The following UNC80 variants were observed in gnomAD, a reference collection of about 807,000 sequenced individuals.
UNC80 encodes the protein protein unc-80 homolog.
UNC80 carries 164 observed loss-of-function variants against 384.6 expected under a neutral mutation model. That is an observed-to-expected ratio of 0.43 (90% CI 0.38 to 0.49). UNC80 has a LOEUF of 0.49. Among genes scored for constraint, UNC80 ranks in the 20% least tolerant of loss-of-function variants. The pLI, the probability that UNC80 is intolerant of heterozygous loss-of-function variation, is 0.00. For synonymous variants in UNC80, 1,486 were observed against 1,527.8 expected (o/e 0.97, Z 0.64); for missense variants, 3,330 against 4,143.0 (o/e 0.80, Z 5.39).
intron 26 of UNC80, among the ~76,000 whole-genome samples, chr2:209,892,748 T>C (rs2086462823): frequency 6.6e-6 from 1 of 152,228 alleles, no homozygotes; most frequent in African/African-American, 2.4e-5. Flanking sequence ...TTATTTTCTG[T>C]TTCAAACATA....
chr2:209,921,798 T>C (rs2090058729), intron 34 of UNC80, 112 bp downstream of exon 34: 1 of 1,214,794 alleles, frequency 8.2e-7, no homozygotes, highest in Non-Finnish European at 1.1e-6. Context: ...CCCTTCCATC[T>C]CTCTCTCACT....
chr2:209,911,532 T>C (rs962010721), intron 29 of UNC80, among the ~76,000 whole-genome samples: 1 of 152,078 alleles, frequency 6.6e-6, no homozygotes, highest in African/African-American at 2.4e-5. Flanking sequence ...TTTGTCAGAG[T>C]TTTGAAAGAC....
chr2:209,925,436 A>G (rs961316735), intron 35 of UNC80, among the ~76,000 whole-genome samples: 1 of 152,184 alleles, frequency 6.6e-6, no homozygotes, highest in African/African-American at 2.4e-5. Context: ...CAGCAGCAAG[A>G]TTTATTGTGA....
chr2:209,972,795 G>A (rs1298955072), intron 55 of UNC80, among the ~76,000 whole-genome samples: 2 of 152,180 alleles, frequency 1.3e-5, no homozygotes, highest in Admixed American at 1.3e-4. Context: ...TGCATCATGA[G>A]TATTTGCAAA....
chr2:209,772,240 C>G, intron 1 of UNC80, 76 bp downstream of exon 1: 2 of 755,718 alleles, frequency 2.6e-6, no homozygotes, highest in Non-Finnish European at 3.5e-6. Flanking sequence ...TCGCCGCTGC[C>G]GCCGCCGCCG....
intron 7 of UNC80, among the ~76,000 whole-genome samples, chr2:209,811,326 G>A (rs1395514080): frequency 6.6e-6 from 1 of 152,102 alleles, no homozygotes; most frequent in African/African-American, 2.4e-5. Context: ...ATTCAGGCCT[G>A]GTTCACTACT....
At chr2:209,841,732 A>G (rs2153829377) in intron 20 of UNC80, among the ~76,000 whole-genome samples, 1 of 152,356 alleles carries the variant, frequency 6.6e-6, no homozygotes, top group African/African-American at 2.4e-5. Flanking sequence ...TAGCATATTT[A>G]GAAAATATAT....
intron 25 of UNC80, among the ~76,000 whole-genome samples, chr2:209,881,899 A>G (rs1041374991): frequency 6.6e-6 from 1 of 151,962 alleles, no homozygotes; most frequent in Non-Finnish European, 1.5e-5. Flanking sequence ...AGCAATCGTT[A>G]CATAAACAAT....
rs74444956 is a variant in UNC80 at position 209,924,660 on chromosome 2, G to A, written c.5663-2183G>A. The stretch of plus-strand genomic sequence containing the variant: ...CCAGGAATATGTCAGTGATTTGCAA[G>A]CCCCCTAGAAATCTCATTCTCCAGA... On this transcript the variant is annotated intron_variant, in intron 35 of 64. Transcript: ENST00000673920. 9.7e-4 allele frequency among the ~76,000 whole-genome samples: 148 copies of A among 152,042 alleles called. 1 individual carries two copies. The highest frequency in any genetic ancestry group is 3.5e-3 in the African/African-American group (145 of 41,494).
chr2:209,921,724 C>A, intron 34 of UNC80, 38 bp downstream of exon 34: 1 of 1,505,106 alleles, frequency 6.6e-7, no homozygotes, highest in Non-Finnish European at 8.9e-7. Context: ...GGGGCTGAGT[C>A]TCAGGGAAAT....
chr2:209,885,707 C>G (rs1246183058), intron 25 of UNC80, among the ~76,000 whole-genome samples: 1 of 150,000 alleles, frequency 6.7e-6, no homozygotes, highest in African/African-American at 2.5e-5. Context: ...AACTTCTGTT[C>G]TTAAGCCAAA....
At chr2:209,790,087 G>A (rs944853185) in intron 6 of UNC80, among the ~76,000 whole-genome samples, 1 of 151,550 alleles carries the variant, frequency 6.6e-6, no homozygotes, top group Non-Finnish European at 1.5e-5. Context: ...TTTAATGAGG[G>A]GTCAAGACTA....
intron 34 of UNC80, 72 bp from the exon 35 acceptor site, chr2:209,922,180 A>G (rs1399710359): frequency 6.6e-6 from 10 of 1,506,898 alleles, no homozygotes; most frequent in African/African-American, 1.4e-5. Context: ...CATTTGTGAT[A>G]CAACAACAAT....
At chr2:209,977,323 A>G (rs1425526022) in intron 58 of UNC80, among the ~76,000 whole-genome samples, 1 of 152,208 alleles carries the variant, frequency 6.6e-6, no homozygotes, top group African/African-American at 2.4e-5. Context: ...TTCCTTTTCT[A>G]TATATTTTTT....
chr2:209,930,886 A>T (rs558250878), intron 37 of UNC80, 82 bp from the exon 38 acceptor site: 51 of 986,084 alleles, frequency 5.2e-5, no homozygotes, highest in Non-Finnish European at 7.3e-5. Context: ...CCCTCACCCA[A>T]TCCCGAATTT....
In UNC80 at chr2:209,996,552, C is replaced by T. The variant is rs1181819055; in HGVS notation, c.*957C>T. ...TGTTAGAATCGGTTTAATAAAATAA[C>T]ATTTTCCTAATAGAAACAATATTCT... On this transcript the variant is annotated 3_prime_UTR_variant, in exon 65 of 65. Transcript: ENST00000673920. 6.6e-6 allele frequency: 1 copy of T among 152,170 alleles called. No individual in the cohort carries two copies. The highest frequency in any genetic ancestry group is 6.5e-5 in the Admixed American group (1 of 15,278). 9.4% of individuals were successfully genotyped at this position (152,170 alleles called of 1,614,324 possible). A position where few individuals can be genotyped will look rare whatever the true frequency, so the allele number is the denominator to read the frequency against.
At chr2:209,827,878 C>T (rs530945766) in intron 14 of UNC80, among the ~76,000 whole-genome samples, 3 of 152,204 alleles carry the variant, frequency 2.0e-5, no homozygotes, top group South Asian at 4.1e-4. Flanking sequence ...AATGCCTCAG[C>T]GTATCTTAGA....
At position 209,830,492 on chromosome 2, in the gene UNC80, C is replaced by G. The variant is rs1574634672; in HGVS notation, c.2627-951C>G. Among the ~76,000 whole-genome samples the G allele has an allele frequency of 2.6e-5, 4 of 152,064 alleles. No individual in the cohort carries two copies. In the East Asian group the frequency reaches 5.8e-4, roughly 22 times the overall value. On this transcript the variant is annotated intron_variant, in intron 15 of 64. Transcript: ENST00000673920. ...CATCAATGTGAAATCTAGAGATCAT[C>G]CCCTGTCAATTGGCATAGACAGTGA...
At chr2:209,939,794 C>A (rs1458169681) in intron 43 of UNC80, 142 bp downstream of exon 43, 1 of 714,678 alleles carries the variant, frequency 1.4e-6, no homozygotes, top group Non-Finnish European at 2.1e-6. Context: ...TATACATGTG[C>A]CATGTTGGTG....
Sources: gnomAD v4.1 joint callset for allele counts (sites outside exome capture counted in the v4.1 genomes callset) on GRCh38, gnomAD v4.1.1 for gene constraint, MANE v1.5 for transcripts, NCBI Gene and HGNC (gene_info 2026-07-23, HGNC 2026-07-21) for gene names.